Variants in MTMR14 observed in about 807,000 individuals in gnomAD.
MTMR14 encodes myotubularin related protein 14, also known as phosphatidylinositol-3,5-bisphosphate 3-phosphatase MTMR14.
Under a neutral mutation model 86.3 loss-of-function variants are expected in MTMR14, and 48 were observed. That is an observed-to-expected ratio of 0.56 (90% CI 0.44 to 0.71). The LOEUF (loss-of-function observed/expected upper bound fraction) is 0.71. Among genes scored for constraint, MTMR14 ranks in the 30% least tolerant of loss-of-function variants. The pLI, the probability that MTMR14 is intolerant of heterozygous loss-of-function variation, is 0.00. For synonymous variants in MTMR14, 366 were observed against 326.1 expected, an observed-to-expected ratio of 1.12 and a Z score of -1.32; for missense variants, 780 against 834.6, an observed-to-expected ratio of 0.93 and a Z score of 0.81.
At chr3:9,689,201 T>A in intron 16 of MTMR14, 119 bp downstream of exon 16, 1 of 1,433,424 alleles carries the variant, frequency 7.0e-7, no homozygotes, top group Non-Finnish European at 9.5e-7. Context: ...GCTGAGAGGA[T>A]AGCTCCGTGC....
intron 3 of MTMR14, among the ~76,000 whole-genome samples, 182 bp downstream of exon 3, chr3:9,662,557 G>A (rs1214869512): frequency 3.9e-5 from 6 of 152,170 alleles, no homozygotes; most frequent in Non-Finnish European, 7.3e-5. Flanking sequence ...TCTAGGTAGA[G>A]AAGGGATGGT....
intron 3 of MTMR14, 147 bp downstream of exon 3, chr3:9,662,522 A>C: frequency 2.7e-6 from 2 of 727,308 alleles, no homozygotes; most frequent in Non-Finnish European, 5.0e-6. Flanking sequence ...CCAGAGAAAC[A>C]GACCAATTCT....
At chr3:9,651,205 G>A (rs751045279) in intron 1 of MTMR14, among the ~76,000 whole-genome samples, 16 of 152,054 alleles carry the variant, frequency 1.1e-4, no homozygotes, top group Non-Finnish European at 2.9e-5. Flanking sequence ...GGGTTTGAGC[G>A]ATCCTCCCAC....
In MTMR14 at chr3:9,690,026, A is replaced by T. The variant is rs749683963; in HGVS notation, c.1496A>T (p.Asp499Val). ...TGGAACCGGCCACAACCCTCAGAGG[A>T]CCGCTTGCCTTCCCAGCAGGGGCTG... ...VLWNRPQPSE[D>V]RLPSQQGLAE... Residue 499 changes from aspartate to valine, a missense_variant, in exon 17 of 19, where the codon GAC becomes GTC. Physicochemically the swap from Asp to Val is radical, Grantham distance 152 (BLOSUM62 -3). Coordinates refer to ENST00000296003, the MANE Select transcript of MTMR14 (RefSeq NM_001077525.3). 4.3e-6 allele frequency: 7 copies of T among 1,612,402 alleles called. No individual in the cohort carries two copies. Among genetic ancestry groups the T allele is most frequent in the Non-Finnish European group, 5.9e-6 (7 of 1,179,944 alleles).
At chr3:9,672,577 GT>G (rs919850165) in intron 6 of MTMR14, 107 bp from the exon 7 acceptor site, 35 of 999,146 alleles carry the variant, frequency 3.5e-5, no homozygotes, top group Non-Finnish European at 4.6e-5. Context: ...ATGAAGAATA[GT>G]TTTTTTTAGC....
At chr3:9,680,258 C>A (rs991503365) in intron 9 of MTMR14, among the ~76,000 whole-genome samples, 1 of 150,836 alleles carries the variant, frequency 6.6e-6, no homozygotes, top group African/African-American at 2.5e-5. Context: ...TAGTCTCTGC[C>A]CCTAGTGCAA....
intron 10 of MTMR14, 32 bp downstream of exon 10, chr3:9,683,276 A>G: frequency 6.2e-7 from 1 of 1,603,414 alleles, no homozygotes; most frequent in Non-Finnish European, 8.5e-7. Context: ...CCCTCGAGCC[A>G]CTGCACCCTT....
At chr3:9,662,228 C>G in intron 2 of MTMR14, 39 bp from the exon 3 acceptor site, 1 of 1,563,668 alleles carries the variant, frequency 6.4e-7, no homozygotes, top group Non-Finnish European at 8.8e-7. Context: ...GTGCCCACTT[C>G]AAAGTCAGCT....
At chr3:9,660,866 C>T (rs2047889886) in intron 2 of MTMR14, among the ~76,000 whole-genome samples, 1 of 152,160 alleles carries the variant, frequency 6.6e-6, no homozygotes, top group African/African-American at 2.4e-5. Flanking sequence ...GGGAAAGCTT[C>T]CTGCTCTAAC....
At chr3:9,693,499 A>C (rs1439783915) in intron 17 of MTMR14, among the ~76,000 whole-genome samples, 3 of 152,258 alleles carry the variant, frequency 2.0e-5, no homozygotes, top group Admixed American at 6.5e-5. Flanking sequence ...GTCAGTTAAC[A>C]CATGTTTTGT....
intron 6 of MTMR14, 111 bp downstream of exon 6, chr3:9,671,281 CTG>C (rs1306882038): frequency 6.2e-6 from 9 of 1,448,430 alleles, no homozygotes; most frequent in Non-Finnish European, 8.6e-6. Context: ...AAAGGGCTTT[CTG>C]TACATTATCT....
At chr3:9,658,696 T>C (rs994063034) in intron 2 of MTMR14, among the ~76,000 whole-genome samples, 2 of 152,202 alleles carry the variant, frequency 1.3e-5, no homozygotes, top group African/African-American at 4.8e-5. Flanking sequence ...TAAAATTGGG[T>C]AAGTGAGGAC....
At position 9,680,567 on chromosome 3, in the gene MTMR14, C is replaced by T. The variant is rs115589284; in HGVS notation, c.897+2509C>T. Among the ~76,000 whole-genome samples the T allele has an allele frequency of 9.3e-3, 1,423 of 152,326 alleles. 19 individuals carry two copies. The highest frequency in any genetic ancestry group is 0.033 in the African/African-American group (1,356 of 41,564). On this transcript the variant is annotated intron_variant, in intron 9 of 18. Coordinates refer to ENST00000296003, the MANE Select transcript of MTMR14 (RefSeq NM_001077525.3). ...AGCTGATCTTCCTGCAGCCCATGGCCGGGCACGGTGGCTCATGCCTGTAAT... is the reference window on the plus strand; with the variant it reads ...AGCTGATCTTCCTGCAGCCCATGGCTGGGCACGGTGGCTCATGCCTGTAAT...
At chr3:9,696,491 G>A (rs2076285071) in intron 17 of MTMR14, among the ~76,000 whole-genome samples, 2 of 152,146 alleles carry the variant, frequency 1.3e-5, no homozygotes, top group Admixed American at 6.5e-5. Flanking sequence ...CAGCCTGGGC[G>A]ACAAGAGCAG....
intron 7 of MTMR14, among the ~76,000 whole-genome samples, chr3:9,676,751 G>T (rs571152334): frequency 2.1e-4 from 32 of 152,330 alleles, no homozygotes; most frequent in African/African-American, 7.2e-4. Context: ...TTCCACCAAA[G>T]AATATAGAAA....
At chr3:9,693,221 A>G (rs2076186442) in intron 17 of MTMR14, among the ~76,000 whole-genome samples, 1 of 152,256 alleles carries the variant, frequency 6.6e-6, no homozygotes, top group African/African-American at 2.4e-5. Context: ...GAAAACATTC[A>G]AGATAACATA....
intron 10 of MTMR14, 103 bp downstream of exon 10, chr3:9,683,347 T>C (rs939638915): frequency 4.4e-6 from 5 of 1,135,660 alleles, no homozygotes; most frequent in Non-Finnish European, 6.7e-6. Flanking sequence ...CACCTTACTT[T>C]TGTGCTGTGG....
chr3:9,689,977 T>C lies in MTMR14; in HGVS notation c.1447T>C (p.Ser483Pro). Reference protein sequence around the residue: ...PTQAAWRKSHSSSPQSVLWNR... With the variant: ...PTQAAWRKSHPSSPQSVLWNR... ...CTTCCACTGCAGGAGGAAGAGCCAC[T>C]CATCCTCTCCACAGAGTGTCCTCTG... The change falls in exon 17 of 19, where the codon TCA becomes CCA. Residue 483 changes from serine to proline, a missense_variant. Physicochemically the swap from Ser to Pro is moderately conservative, Grantham distance 74 (BLOSUM62 -1). Coordinates refer to ENST00000296003, the MANE Select transcript of MTMR14 (RefSeq NM_001077525.3). 1 of 1,610,754 alleles carries C rather than the reference T, an allele frequency of 6.2e-7. No individual in the cohort carries two copies. The highest frequency in any genetic ancestry group is 8.5e-7 in the Non-Finnish European group (1 of 1,179,474).
chr3:9,656,921 T>G (rs2047641031), intron 2 of MTMR14, among the ~76,000 whole-genome samples: 1 of 151,860 alleles, frequency 6.6e-6, no homozygotes, highest in Non-Finnish European at 1.5e-5. Context: ...CAAGGTGGGT[T>G]TTTTTGTTTT....
Sources: allele counts gnomAD v4.1 joint callset (sites outside exome capture counted in the v4.1 genomes callset), GRCh38; gene constraint gnomAD v4.1.1; transcripts MANE v1.5; gene names NCBI Gene and HGNC (gene_info 2026-07-23, HGNC 2026-07-21).